ANO2: variants seen among roughly 807,000 people sequenced by gnomAD.
The protein encoded by ANO2 is anoctamin-2.
ANO2 carries 101 observed loss-of-function variants against 124.2 expected under a neutral mutation model. The observed-to-expected ratio is 0.81, with a 90% CI of 0.69 to 0.96. ANO2 has a LOEUF of 0.96. ANO2 is among the 40% of genes least tolerant of loss of function. The probability of loss-of-function intolerance (pLI) is 0.00; values close to 1 mark genes in which losing one functional copy is unlikely to be tolerated. For missense variants in ANO2, 1,293 were observed against 1,274.5 expected (o/e 1.01, Z -0.22); for synonymous variants, 486 against 482.5 (o/e 1.01, Z -0.09).
chr12:5,763,654 C>T (rs551157819), intron 10 of ANO2, among the ~76,000 whole-genome samples: 3 of 151,920 alleles, frequency 2.0e-5, no homozygotes, highest in South Asian at 4.2e-4. Flanking sequence ...TTCAATTCAG[C>T]GAAAATAACA....
intron 13 of ANO2, among the ~76,000 whole-genome samples, chr12:5,733,881 A>G (rs999513149): frequency 2.6e-5 from 4 of 151,922 alleles, no homozygotes; most frequent in African/African-American, 9.7e-5. Flanking sequence ...TTCATTACAT[A>G]TTTTTCTTTT....
At chr12:5,719,076 T>C (rs1950124886) in intron 14 of ANO2, among the ~76,000 whole-genome samples, 1 of 152,224 alleles carries the variant, frequency 6.6e-6, no homozygotes, top group Non-Finnish European at 1.5e-5. Flanking sequence ...GATTGCTGAT[T>C]GTCTGACTAG....
At position 5,577,985 on chromosome 12, in the gene ANO2, A is replaced by C. The variant is rs753083315; in HGVS notation, c.2409T>G (p.Ser803=). ...TGATAACAGAGAACTTGCCAATTCCAGAGAGAATGTCAAACCAGATTCCTA... is the reference window on the plus strand; with the variant it reads ...TGATAACAGAGAACTTGCCAATTCCCGAGAGAATGTCAAACCAGATTCCTA... ...KDIGIWFDIL[S]GIGKFSVISN... The change falls in exon 22 of 25, where the codon TCT becomes TCG. Residue 803 remains serine (S), a synonymous_variant. Coordinates refer to ENST00000682330, the MANE Select transcript of ANO2 (RefSeq NM_001364791.2). The C allele has an allele frequency of 6.2e-7, 1 of 1,613,742 alleles. No homozygotes were observed. Among genetic ancestry groups the C allele is most frequent in the African/African-American group, 1.3e-5 (1 of 74,938 alleles).
chr12:5,801,670 G>A (rs1162674379), intron 9 of ANO2, among the ~76,000 whole-genome samples: 3 of 152,240 alleles, frequency 2.0e-5, no homozygotes, highest in Non-Finnish European at 4.4e-5. Flanking sequence ...CACAGGCCCT[G>A]AAAGGGCAAA....
At position 5,578,414 on chromosome 12, in the gene ANO2, A is replaced by T; in HGVS notation, c.2338T>A (p.Phe780Ile). 1.2e-6 allele frequency: 2 copies of T among 1,613,914 alleles called. No individual in the cohort carries two copies. Among genetic ancestry groups the T allele is most frequent in the Non-Finnish European group, 1.7e-6 (2 of 1,179,864 alleles). ...VIEVRLDAKKFVTELRRPDAV... is the reference protein window; with the variant it reads ...VIEVRLDAKKIVTELRRPDAV... Reference sequence around the variant, plus strand: ...TCCGGCCGTCTCAGCTCTGTAACAAACTTCTTTGCATCGAGCCGCACTTCA... The same window carrying T: ...TCCGGCCGTCTCAGCTCTGTAACAATCTTCTTTGCATCGAGCCGCACTTCA... The change falls in exon 21 of 25, where the codon TTT (phenylalanine) becomes ATT (isoleucine). Residue 780 changes from phenylalanine (F) to isoleucine (I), a missense_variant. Phe to Ile is a conservative substitution (Grantham distance 21). Coordinates refer to ENST00000682330, the MANE Select transcript of ANO2 (RefSeq NM_001364791.2).
At chr12:5,707,966 C>A (rs751856054) in intron 14 of ANO2, among the ~76,000 whole-genome samples, 1 of 152,152 alleles carries the variant, frequency 6.6e-6, no homozygotes, top group Non-Finnish European at 1.5e-5. Flanking sequence ...AGCTCTGGAC[C>A]CAACTGCCTA....
At chr12:5,744,016 G>A in intron 12 of ANO2, 141 bp downstream of exon 12, 1 of 958,012 alleles carries the variant, frequency 1.0e-6, no homozygotes, top group African/African-American at 1.6e-5. Flanking sequence ...GAAAAGAAAA[G>A]TGTCATCCTT....
intron 14 of ANO2, among the ~76,000 whole-genome samples, chr12:5,710,932 C>T (rs1039655269): frequency 3.3e-5 from 5 of 152,012 alleles, no homozygotes; most frequent in African/African-American, 7.2e-5. Context: ...GAGGCCGAGG[C>T]GGGATCACGA....
intron 3 of ANO2, among the ~76,000 whole-genome samples, chr12:5,913,861 G>A (rs1279613731): frequency 1.3e-5 from 2 of 152,212 alleles, no homozygotes; most frequent in Non-Finnish European, 2.9e-5. Flanking sequence ...CAGAATTTCT[G>A]AAAGTCACCC....
chr12:5,744,098 G>T, intron 12 of ANO2, 59 bp downstream of exon 12: 1 of 1,598,658 alleles, frequency 6.3e-7, no homozygotes, highest in Non-Finnish European at 8.6e-7. Context: ...TTACAGCTTG[G>T]TCACTGTGCC....
At chr12:5,614,701 G>C (rs1430565629) in intron 17 of ANO2, among the ~76,000 whole-genome samples, 1 of 152,186 alleles carries the variant, frequency 6.6e-6, no homozygotes, top group Admixed American at 6.5e-5. Flanking sequence ...ATGGAGTAAT[G>C]AGAGCTCTGG....
intron 7 of ANO2, among the ~76,000 whole-genome samples, chr12:5,808,719 T>G (rs1462115598): frequency 6.6e-6 from 1 of 152,046 alleles, no homozygotes; most frequent in African/African-American, 2.4e-5. Context: ...AACGCCGAGG[T>G]TGGATAACAA....
At chr12:5,827,316 T>C (rs1953985189) in intron 7 of ANO2, among the ~76,000 whole-genome samples, 1 of 152,128 alleles carries the variant, frequency 6.6e-6, no homozygotes, top group South Asian at 2.1e-4. Context: ...GACTCAGCTA[T>C]CACGTGCTGT....
intron 16 of ANO2, among the ~76,000 whole-genome samples, chr12:5,631,935 G>A (rs1400589837): frequency 6.6e-6 from 1 of 152,174 alleles, no homozygotes; most frequent in African/African-American, 2.4e-5. Flanking sequence ...AGGTTGGCTG[G>A]ATGGGGATTT....
chr12:5,824,973 T>G (rs1192308594), intron 7 of ANO2, among the ~76,000 whole-genome samples: 1 of 152,112 alleles, frequency 6.6e-6, no homozygotes, highest in Non-Finnish European at 1.5e-5. Flanking sequence ...ACAGCCCCCA[T>G]GATTGAATTA....
At chr12:5,843,458 G>A (rs537648540) in intron 4 of ANO2, among the ~76,000 whole-genome samples, 6 of 152,210 alleles carry the variant, frequency 3.9e-5, no homozygotes, top group African/African-American at 7.2e-5. Context: ...GCTGCGGTAT[G>A]AGAATTGCTT....
Position 5,807,355 on chromosome 12 carries a change from CAG to C in ANO2, c.904_905del (p.Leu302AspfsTer7). ...CAGCCTCATAGATATTGTTTGCGATCAGAGAGTTAATACCTACGGAAGAAAGG... is the reference window on the plus strand; with the variant it reads ...CAGCCTCATAGATATTGTTTGCGATCAGAGTTAATACCTACGGAAGAAAGG... ...RANNTMGINSLIANNIYEAAY... is the reference protein window; with the variant it reads ...RANNTMGINSXIANNIYEAAY... On this transcript the variant is annotated frameshift_variant, in exon 8 of 25. Transcript: ENST00000682330. LOFTEE classifies it high-confidence loss of function. 1 of 1,556,850 alleles carries C rather than the reference CAG, an allele frequency of 6.4e-7. No homozygotes were observed. Among genetic ancestry groups the C allele is most frequent in the South Asian group, 1.2e-5 (1 of 84,012 alleles).
In ANO2 at chr12:5,711,826, C is replaced by T. The variant is rs148617768; in HGVS notation, c.1545+20694G>A. 5.0e-3 allele frequency among the ~76,000 whole-genome samples: 762 copies of T among 152,250 alleles called. 9 individuals are homozygous for T. Among genetic ancestry groups the T allele is most frequent in the Middle Eastern group, 0.01 (3 of 294 alleles). ...CCCCATGATTTGTAATATTCCAAGGCCCTCCTTTGGATATTCCTTGAAATC... is the reference window on the plus strand; with the variant it reads ...CCCCATGATTTGTAATATTCCAAGGTCCTCCTTTGGATATTCCTTGAAATC... On this transcript the variant is annotated intron_variant, in intron 14 of 24. Transcript: ENST00000682330.
At chr12:5,721,374 T>A (rs750381737) in intron 14 of ANO2, among the ~76,000 whole-genome samples, 3 of 152,240 alleles carry the variant, frequency 2.0e-5, no homozygotes, top group Non-Finnish European at 4.4e-5. Context: ...GCTGTTGCCA[T>A]CCCCAAATAA....
Sources: gnomAD v4.1 joint callset for allele counts (sites outside exome capture counted in the v4.1 genomes callset) on GRCh38, gnomAD v4.1.1 for gene constraint, MANE v1.5 for transcripts, NCBI Gene and HGNC (gene_info 2026-07-23, HGNC 2026-07-21) for gene names.